Variants in RGS12 observed in about 807,000 individuals in gnomAD.
The protein encoded by RGS12 is regulator of G protein signaling 12, also known as regulator of G-protein signaling 12.
A neutral mutation model predicts 120.1 loss-of-function variants in RGS12; 66 were observed. The ratio of observed to expected loss-of-function variants is 0.55; its 90% CI spans 0.45 to 0.67. RGS12 has a LOEUF of 0.67. Ranked by LOEUF, RGS12 falls within the 30% of genes least tolerant of loss-of-function variation. The probability of loss-of-function intolerance (pLI) is 0.00; values close to 1 mark genes in which losing one functional copy is unlikely to be tolerated. For synonymous variants in RGS12, 827 were observed against 804.7 expected, an observed-to-expected ratio of 1.03 and a Z score of -0.47; for missense variants, 1,859 against 1,957.7, an observed-to-expected ratio of 0.95 and a Z score of 0.95.
intron 1 of RGS12, among the ~76,000 whole-genome samples, chr4:3,301,770 G>T (rs1233762638): frequency 6.6e-6 from 1 of 152,054 alleles, no homozygotes; most frequent in African/African-American, 2.4e-5. Context: ...ATGAAGGGGT[G>T]GGGGGCGCAG....
intron 1 of RGS12, among the ~76,000 whole-genome samples, chr4:3,308,154 C>T (rs1183302375): frequency 2.6e-5 from 4 of 152,230 alleles, no homozygotes; most frequent in Non-Finnish European, 5.9e-5. Context: ...GGGCCCTGGC[C>T]CTGAGCTGGT....
intron 2 of RGS12, among the ~76,000 whole-genome samples, chr4:3,331,886 A>G (rs115471850): frequency 0.038 from 5,833 of 152,308 alleles, 293 homozygotes; most frequent in African/African-American, 0.12. Flanking sequence ...GCTTTGTGCC[A>G]CCTGCACCAG....
intron 3 of RGS12, among the ~76,000 whole-genome samples, chr4:3,382,569 G>A (rs1428724387): frequency 6.6e-6 from 1 of 152,196 alleles, no homozygotes; most frequent in East Asian, 1.9e-4. Flanking sequence ...CCATTTGTAG[G>A]TGACGGTCTT....
chr4:3,336,600 G>A (rs1418394816), intron 2 of RGS12, among the ~76,000 whole-genome samples: 1 of 152,214 alleles, frequency 6.6e-6, no homozygotes, highest in Non-Finnish European at 1.5e-5. Flanking sequence ...GGGTGTAGTC[G>A]TGACCAGGAC....
chr4:3,318,245 G>A (rs1019996330), intron 2 of RGS12, among the ~76,000 whole-genome samples, 194 bp downstream of exon 2: 2 of 152,276 alleles, frequency 1.3e-5, no homozygotes, highest in East Asian at 3.9e-4. Flanking sequence ...CTTGCCCCCT[G>A]CCCTGTTCGA....
chr4:3,417,950 G>C (rs762864), intron 9 of RGS12: 1 of 164,130 alleles, frequency 6.1e-6, no homozygotes, highest in Non-Finnish European at 1.3e-5. Flanking sequence ...GTCTCCCCCA[G>C]TGGCAGCTTG....
At chr4:3,404,489 C>A (rs1197921176) in intron 4 of RGS12, among the ~76,000 whole-genome samples, 2 of 152,144 alleles carry the variant, frequency 1.3e-5, no homozygotes, top group East Asian at 1.9e-4. Context: ...GTGGGTCAGT[C>A]GTTCTTAAGC....
chr4:3,438,567 G>A (rs1401128465), intron 17 of RGS12, among the ~76,000 whole-genome samples: 1 of 151,820 alleles, frequency 6.6e-6, no homozygotes, highest in African/African-American at 2.4e-5. Context: ...ACTTTCCTTG[G>A]CCCCAGCCTT....
chr4:3,342,755 T>A (rs891442949), intron 2 of RGS12, among the ~76,000 whole-genome samples, 182 bp from the exon 3 acceptor site: 10 of 152,088 alleles, frequency 6.6e-5, no homozygotes, highest in African/African-American at 2.4e-4. Flanking sequence ...TTTTTTTCAA[T>A]TTTGCATGTT....
chr4:3,398,056 A>G (rs967047162), intron 4 of RGS12, among the ~76,000 whole-genome samples: 3 of 152,224 alleles, frequency 2.0e-5, no homozygotes, highest in Non-Finnish European at 4.4e-5. Flanking sequence ...TCTTACAGGA[A>G]GTAAATGATT....
intron 3 of RGS12, among the ~76,000 whole-genome samples, chr4:3,368,118 T>TCTGGGGGCC (rs1362981534): frequency 6.6e-6 from 1 of 152,060 alleles, no homozygotes; most frequent in East Asian, 1.9e-4. Context: ...GTTCCCAGGG[T>TCTGGGGGCC]CTGGGGGCCC....
chr4:3,394,874 A>G (rs1266489539), intron 4 of RGS12, among the ~76,000 whole-genome samples: 1 of 152,158 alleles, frequency 6.6e-6, no homozygotes, highest in Non-Finnish European at 1.5e-5. Context: ...AAACTTAAAA[A>G]AAAAAGAAGA....
At chr4:3,322,594 A>T (rs1247042600) in intron 2 of RGS12, among the ~76,000 whole-genome samples, 1 of 152,152 alleles carries the variant, frequency 6.6e-6, no homozygotes, top group Non-Finnish European at 1.5e-5. Context: ...TTAATTAATT[A>T]AATTAATTAA....
At position 3,322,440 on chromosome 4, in the gene RGS12, C is replaced by T. The variant is rs187885184; in HGVS notation, c.1881+4389C>T. Among the ~76,000 whole-genome samples the T allele has an allele frequency of 6.7e-3, 1,019 of 152,324 alleles. 5 individuals are homozygous for T. The highest frequency in any genetic ancestry group is 0.011 in the Non-Finnish European group (734 of 68,032). On this transcript the variant is annotated intron_variant, in intron 2 of 17. Coordinates refer to ENST00000336727, the MANE Select transcript of RGS12 (RefSeq NM_001394154.1). ...GCTGGTTCTCATGGAGATAAGCATT[C>T]AGGCCTGTGACTAACAAAAGGGGCT...
rs1479790158 is a variant in RGS12 at position 3,423,632 on chromosome 4, G to A, written c.3225G>A (p.Leu1075=). ...ARYGLDLSGL[L]VRLSGEKEPL... is the part of the protein sequence containing the mutation. ...ACGGCCTGGACCTCAGTGGCCTGCT[G>A]GTGAGGCTGGTGAGTGTTGCACGGG... Residue 1075 remains leucine (L), a synonymous_variant, in exon 13 of 18, where the codon CTG becomes CTA. Transcript: ENST00000336727. 1.2e-6 allele frequency: 2 copies of A among 1,607,264 alleles called. No individual in the cohort carries two copies. Among genetic ancestry groups the A allele is most frequent in the Middle Eastern group, 1.7e-4 (1 of 5,904 alleles).
At position 3,310,487 on chromosome 4, in the gene RGS12, C is replaced by T. The variant is rs916314262; in HGVS notation, c.-101-5583C>T. Among the ~76,000 whole-genome samples, 23 of 152,344 alleles carry T rather than the reference C, an allele frequency of 1.5e-4. 1 individual carries two copies. The highest frequency in any genetic ancestry group is 5.3e-4 in the African/African-American group (22 of 41,576). ...ATTCCAGAATCTGCCAGCTCACTCC[C>T]TTTGGCACCGTGTCCTGCTGTGTCC... On this transcript the variant is annotated intron_variant, in intron 1 of 17. Coordinates refer to ENST00000336727, the MANE Select transcript of RGS12 (RefSeq NM_001394154.1).
At chr4:3,392,128 T>C (rs1719567200) in intron 4 of RGS12, among the ~76,000 whole-genome samples, 1 of 152,166 alleles carries the variant, frequency 6.6e-6, no homozygotes, top group Admixed American at 6.5e-5. Context: ...AAGTAGATCC[T>C]GAGTGTGGGG....
At chr4:3,344,458 A>G (rs113517592) in intron 3 of RGS12, among the ~76,000 whole-genome samples, 5,699 of 152,246 alleles carry the variant, frequency 0.037, 283 homozygotes, top group African/African-American at 0.12. Flanking sequence ...ATCTGTGCAC[A>G]AGTCCTGTTC....
chr4:3,425,353 C>T (rs1723497531), intron 13 of RGS12, 111 bp from the exon 14 acceptor site: 2 of 959,596 alleles, frequency 2.1e-6, no homozygotes, highest in South Asian at 2.8e-5. Flanking sequence ...GGGCCATCTC[C>T]TGCGTGACTC....
Sources: gnomAD v4.1 joint callset for allele counts (sites outside exome capture counted in the v4.1 genomes callset) on GRCh38, gnomAD v4.1.1 for gene constraint, MANE v1.5 for transcripts, NCBI Gene and HGNC (gene_info 2026-07-23, HGNC 2026-07-21) for gene names.